The following LSAMP variants were observed in gnomAD, a reference collection of about 807,000 sequenced individuals.
The protein encoded by LSAMP is limbic system associated membrane protein.
In LSAMP, 7 loss-of-function variants were observed where a neutral mutation model predicts 38.6. That is an observed-to-expected ratio of 0.18 (90% CI 0.10 to 0.34). The LOEUF (loss-of-function observed/expected upper bound fraction) is 0.34. Among genes scored for constraint, LSAMP ranks in the 10% least tolerant of loss-of-function variants. LSAMP has a pLI of 1.00. For synonymous variants in LSAMP, 154 were observed against 166.8 expected (o/e 0.92, Z 0.59); for missense variants, 313 against 420.0 (o/e 0.75, Z 2.23).
Position 115,952,760 on chromosome 3 carries a change from C to T in LSAMP, c.514+66755G>A, listed in dbSNP as rs146940024. Among the ~76,000 whole-genome samples the T allele has an allele frequency of 5.3e-3, 807 of 152,076 alleles. 3 individuals are homozygous for T. The highest frequency in any genetic ancestry group is 0.011 in the Admixed American group (168 of 15,276). ...CTGGTGTTCTCTTAGGCTCAATAAG[C>T]TTGTATAGGGCCTGATCTCTTGCAG... On this transcript the variant is annotated intron_variant, in intron 3 of 6. Coordinates refer to ENST00000490035, the MANE Select transcript of LSAMP (RefSeq NM_002338.5).
intron 2 of LSAMP, among the ~76,000 whole-genome samples, chr3:116,072,307 G>A (rs1707626022): frequency 6.6e-6 from 1 of 152,126 alleles, no homozygotes. Flanking sequence ...TATCACTGAT[G>A]GGCATTTGGG....
chr3:116,050,075 C>T (rs1193128828), intron 2 of LSAMP, among the ~76,000 whole-genome samples: 3 of 152,122 alleles, frequency 2.0e-5, no homozygotes, highest in Non-Finnish European at 4.4e-5. Flanking sequence ...TCTCTGGCTT[C>T]CAATTGGGAT....
At chr3:116,164,957 T>C (rs1411342008) in intron 1 of LSAMP, among the ~76,000 whole-genome samples, 1 of 151,864 alleles carries the variant, frequency 6.6e-6, no homozygotes, top group Non-Finnish European at 1.5e-5. Flanking sequence ...TCAGGTTATC[T>C]GCCTCTCTGA....
At chr3:115,907,157 C>T (rs1186012781) in intron 3 of LSAMP, among the ~76,000 whole-genome samples, 1 of 152,136 alleles carries the variant, frequency 6.6e-6, no homozygotes, top group Non-Finnish European at 1.5e-5. Context: ...AGCCTGTTCC[C>T]ACTTGGATCT....
At chr3:116,409,991 G>A (rs1576202122) in intron 1 of LSAMP, among the ~76,000 whole-genome samples, 1 of 152,078 alleles carries the variant, frequency 6.6e-6, no homozygotes, top group South Asian at 2.1e-4. Context: ...GTGCCACAGG[G>A]AAGAGGACTC....
intron 1 of LSAMP, among the ~76,000 whole-genome samples, chr3:116,291,702 T>C (rs1343953798): frequency 6.6e-6 from 1 of 152,188 alleles, no homozygotes; most frequent in African/African-American, 2.4e-5. Flanking sequence ...CAGGTGTTTC[T>C]GATGCCCCAT....
intron 3 of LSAMP, among the ~76,000 whole-genome samples, chr3:115,930,592 T>A (rs1272969043): frequency 6.6e-6 from 1 of 152,196 alleles, no homozygotes; most frequent in Non-Finnish European, 1.5e-5. Flanking sequence ...CAAATGAGAC[T>A]AGCATTAATT....
At chr3:116,404,806 C>T (rs573808346) in intron 1 of LSAMP, among the ~76,000 whole-genome samples, 2 of 152,144 alleles carry the variant, frequency 1.3e-5, no homozygotes, top group African/African-American at 4.8e-5. Context: ...AGAAATATGG[C>T]TCATATTTTT....
chr3:116,392,519 G>A (rs2107814642), intron 1 of LSAMP, among the ~76,000 whole-genome samples: 1 of 152,372 alleles, frequency 6.6e-6, no homozygotes, highest in Non-Finnish European at 1.5e-5. Context: ...AAGCACAGGA[G>A]AGAGGCTGAG....
At chr3:116,272,232 AC>A (rs2046983841) in intron 1 of LSAMP, among the ~76,000 whole-genome samples, 1 of 152,138 alleles carries the variant, frequency 6.6e-6, no homozygotes. Context: ...TTGTGTATGA[AC>A]ACGGACTTAT....
chr3:115,998,583 C>CT (rs1217599362), intron 3 of LSAMP, among the ~76,000 whole-genome samples: 2 of 152,144 alleles, frequency 1.3e-5, no homozygotes, highest in East Asian at 1.9e-4. Context: ...CACCTGGAAG[C>CT]TTAGATGTAC....
chr3:116,352,737 A>G (rs2048159370), intron 1 of LSAMP, among the ~76,000 whole-genome samples: 1 of 152,118 alleles, frequency 6.6e-6, no homozygotes, highest in Non-Finnish European at 1.5e-5. Context: ...TATAAAATAT[A>G]TCAATCACTT....
At chr3:116,150,902 C>G (rs1001295652) in intron 1 of LSAMP, among the ~76,000 whole-genome samples, 1 of 45,884 alleles carries the variant, frequency 2.2e-5, no homozygotes, top group African/African-American at 5.2e-5. Flanking sequence ...ATAGAAATGT[C>G]ATTTCACTCT....
intron 2 of LSAMP, among the ~76,000 whole-genome samples, chr3:116,032,767 C>A (rs973750302): frequency 2.0e-5 from 3 of 152,080 alleles, no homozygotes; most frequent in Admixed American, 1.3e-4. Context: ...CATGCTACTG[C>A]ACTCCAGCCT....
intron 1 of LSAMP, among the ~76,000 whole-genome samples, chr3:116,128,854 A>G (rs1355183318): frequency 2.6e-5 from 4 of 152,224 alleles, no homozygotes; most frequent in Non-Finnish European, 4.4e-5. Flanking sequence ...CTCTGCAAAG[A>G]AAAAGAACAT....
intron 1 of LSAMP, among the ~76,000 whole-genome samples, chr3:116,440,578 T>C (rs1018146019): frequency 1.3e-5 from 2 of 152,192 alleles, no homozygotes; most frequent in Non-Finnish European, 2.9e-5. Context: ...CTTGCGAGAT[T>C]TGCCCACTCT....
At chr3:116,336,889 G>C (rs999584020) in intron 1 of LSAMP, among the ~76,000 whole-genome samples, 9 of 151,704 alleles carry the variant, frequency 5.9e-5, no homozygotes, top group Non-Finnish European at 1.0e-4. Context: ...TAGAAGCAAT[G>C]CAAGTGTTCA....
chr3:116,198,291 G>A (rs2045938023), intron 1 of LSAMP, among the ~76,000 whole-genome samples: 1 of 152,122 alleles, frequency 6.6e-6, no homozygotes, highest in South Asian at 2.1e-4. Context: ...TCCAGTGGTC[G>A]GTGACTAATG....
At chr3:116,356,714 CCTA>C (rs1046055972) in intron 1 of LSAMP, among the ~76,000 whole-genome samples, 4 of 152,172 alleles carry the variant, frequency 2.6e-5, no homozygotes, top group African/African-American at 9.7e-5. Flanking sequence ...AATATATACA[CCTA>C]CTATGTATCC....
Sources: allele counts gnomAD v4.1 joint callset (sites outside exome capture counted in the v4.1 genomes callset), GRCh38; gene constraint gnomAD v4.1.1; transcripts MANE v1.5; gene names NCBI Gene and HGNC (gene_info 2026-07-23, HGNC 2026-07-21).